ST6GALNAC3: variants seen among roughly 807,000 people sequenced by gnomAD.
ST6GALNAC3 encodes the protein ST6 N-acetylgalactosaminide alpha-2,6-sialyltransferase 3, also known as alpha-N-acetylgalactosaminide alpha-2,6-sialyltransferase 3.
Under a neutral mutation model 32.7 loss-of-function variants are expected in ST6GALNAC3, and 25 were observed. The ratio of observed to expected loss-of-function variants is 0.76; its 90% CI spans 0.56 to 1.07. The LOEUF is 1.07. Ranked by LOEUF, ST6GALNAC3 falls within the 50% of genes least tolerant of loss-of-function variation. The pLI is 0.00. For synonymous variants in ST6GALNAC3, 129 were observed against 133.1 expected, an observed-to-expected ratio of 0.97 and a Z score of 0.21; for missense variants, 355 against 382.4, an observed-to-expected ratio of 0.93 and a Z score of 0.60.
intron 2 of ST6GALNAC3, among the ~76,000 whole-genome samples, chr1:76,397,340 C>A (rs1236770695): frequency 2.8e-5 from 4 of 141,194 alleles, no homozygotes; most frequent in Non-Finnish European, 4.6e-5. Flanking sequence ...GACTGACAGG[C>A]TTTTTGCAGC....
intron 3 of ST6GALNAC3, among the ~76,000 whole-genome samples, chr1:76,441,187 A>ATG (rs778016446): frequency 5.3e-5 from 8 of 152,032 alleles, no homozygotes; most frequent in Non-Finnish European, 1.2e-4. Context: ...CTATTGAAAA[A>ATG]TGTGTGTAGT....
At chr1:76,075,038 G>A (rs1410253073) in intron 1 of ST6GALNAC3, 154 bp downstream of exon 1, 3 of 962,550 alleles carry the variant, frequency 3.1e-6, no homozygotes, top group Non-Finnish European at 4.7e-6. Context: ...GCATATGGAG[G>A]GAGATTCTGA....
At chr1:76,497,426 A>G (rs1044468414) in intron 3 of ST6GALNAC3, among the ~76,000 whole-genome samples, 1 of 152,188 alleles carries the variant, frequency 6.6e-6, no homozygotes, top group Non-Finnish European at 1.5e-5. Flanking sequence ...CTCAAGTGGA[A>G]AGGGATAAAA....
chr1:76,232,142 C>T (rs1460673023), intron 1 of ST6GALNAC3, among the ~76,000 whole-genome samples: 1 of 152,202 alleles, frequency 6.6e-6, no homozygotes, highest in Non-Finnish European at 1.5e-5. Flanking sequence ...TTACAGAAAG[C>T]ATGTTCAGAA....
chr1:76,341,604 C>CT (rs1336813033), intron 2 of ST6GALNAC3, among the ~76,000 whole-genome samples: 3 of 121,392 alleles, frequency 2.5e-5, no homozygotes, highest in African/African-American at 9.2e-5. Context: ...CTCCAAACTG[C>CT]TTTTCTTTCT....
intron 1 of ST6GALNAC3, among the ~76,000 whole-genome samples, chr1:76,247,672 C>G (rs1017106411): frequency 1.3e-5 from 2 of 152,208 alleles, no homozygotes; most frequent in African/African-American, 2.4e-5. Context: ...GCCCCTCCCC[C>G]TAGCAAGCTC....
chr1:76,333,065 G>T (rs1647227523), intron 2 of ST6GALNAC3, among the ~76,000 whole-genome samples: 1 of 152,022 alleles, frequency 6.6e-6, no homozygotes, highest in Admixed American at 6.6e-5. Context: ...TCCATTCCCT[G>T]CCTGCCATTA....
chr1:76,305,266 A>C (rs1296778075), intron 1 of ST6GALNAC3, among the ~76,000 whole-genome samples: 1 of 152,140 alleles, frequency 6.6e-6, no homozygotes, highest in Non-Finnish European at 1.5e-5. Flanking sequence ...AGAAAAGAGT[A>C]GTAATGTGAA....
intron 3 of ST6GALNAC3, among the ~76,000 whole-genome samples, chr1:76,540,719 G>A (rs1187213993): frequency 6.6e-6 from 1 of 152,016 alleles, no homozygotes; most frequent in Non-Finnish European, 1.5e-5. Flanking sequence ...AATTAAAGAA[G>A]ATAATATTTA....
At chr1:76,105,802 G>A (rs979600228) in intron 1 of ST6GALNAC3, among the ~76,000 whole-genome samples, 6 of 152,076 alleles carry the variant, frequency 3.9e-5, no homozygotes, top group Non-Finnish European at 8.8e-5. Context: ...GATTGCTAGT[G>A]CTATTACCGT....
intron 3 of ST6GALNAC3, among the ~76,000 whole-genome samples, chr1:76,558,121 G>T (rs1016186489): frequency 6.6e-6 from 1 of 152,166 alleles, no homozygotes; most frequent in Non-Finnish European, 1.5e-5. Flanking sequence ...GGAGAAAAGG[G>T]AACACTTATA....
At chr1:76,363,863 C>T (rs535557881) in intron 2 of ST6GALNAC3, among the ~76,000 whole-genome samples, 1 of 152,232 alleles carries the variant, frequency 6.6e-6, no homozygotes, top group African/African-American at 2.4e-5. Flanking sequence ...ACAACCAGAT[C>T]TCCTTAGAAC....
chr1:76,451,436 G>C (rs946907538), intron 3 of ST6GALNAC3, among the ~76,000 whole-genome samples: 1 of 152,156 alleles, frequency 6.6e-6, no homozygotes, highest in Non-Finnish European at 1.5e-5. Flanking sequence ...ACCTGCCCCT[G>C]TGATTCAGTT....
intron 1 of ST6GALNAC3, among the ~76,000 whole-genome samples, chr1:76,148,081 A>T (rs1395573070): frequency 5.3e-5 from 8 of 152,316 alleles, no homozygotes; most frequent in Non-Finnish European, 8.8e-5. Flanking sequence ...GAATATGCTC[A>T]GTAAATTTAT....
intron 3 of ST6GALNAC3, among the ~76,000 whole-genome samples, chr1:76,620,640 C>A (rs932445292): frequency 6.6e-6 from 1 of 151,918 alleles, no homozygotes; most frequent in Admixed American, 6.6e-5. Context: ...TAATCTTATC[C>A]CCGTAATCTC....
At chr1:76,273,925 A>C (rs1164002355) in intron 1 of ST6GALNAC3, among the ~76,000 whole-genome samples, 1 of 152,162 alleles carries the variant, frequency 6.6e-6, no homozygotes, top group Non-Finnish European at 1.5e-5. Flanking sequence ...TAAAAATCTC[A>C]CTGCTTCATC....
intron 3 of ST6GALNAC3, among the ~76,000 whole-genome samples, chr1:76,506,504 G>A (rs2101741556): frequency 6.6e-6 from 1 of 152,248 alleles, no homozygotes; most frequent in East Asian, 1.9e-4. Flanking sequence ...ACCCTCCCTA[G>A]GTTGTGCCAC....
In ST6GALNAC3 at chr1:76,403,512, G is replaced by A. The variant is rs112526559; in HGVS notation, c.214-8496G>A. Among the ~76,000 whole-genome samples the A allele has an allele frequency of 6.1e-4, 93 of 152,080 alleles. 1 individual carries two copies. The highest frequency in any genetic ancestry group is 2.1e-3 in the African/African-American group (87 of 41,512). ...CTAGGAGAATGTTTCTCAAACCTAG[G>A]CATCTATTGGAATCACATGTGGGAC... On this transcript the variant is annotated intron_variant, in intron 2 of 4. Transcript: ENST00000328299.
chr1:76,210,078 TTTTAC>T (rs1480584741), intron 1 of ST6GALNAC3, among the ~76,000 whole-genome samples: 1 of 152,130 alleles, frequency 6.6e-6, no homozygotes, highest in East Asian at 1.9e-4. Context: ...CTTTTTATTA[TTTTAC>T]TTTAAGTTCC....
Sources: allele counts gnomAD v4.1 joint callset (sites outside exome capture counted in the v4.1 genomes callset), GRCh38; gene constraint gnomAD v4.1.1; transcripts MANE v1.5; gene names NCBI Gene and HGNC (gene_info 2026-07-23, HGNC 2026-07-21).